KCNQ1OT1: variants seen among roughly 807,000 people sequenced by gnomAD.
The protein encoded by KCNQ1OT1 is KCNQ1 antisense RNA 2 (non-protein coding).
At position 2,653,443 on chromosome 11, in the gene KCNQ1OT1, C is replaced by T. The variant is rs148518693; in HGVS notation, n.46552G>A. ...CAAACAAGCTTAAGCACAAAAGGGA[C>T]ATTTTTTGGCTCACACAGCTGGACC... On this transcript the variant is annotated non_coding_transcript_exon_variant, in exon 1 of 1. Coordinates refer to ENST00000597346, the Ensembl canonical transcript of KCNQ1OT1. This position sits in a 1 kb window ranked among gnomAD's most constrained non-coding sequence, Gnocchi z 5.3. The T allele has an allele frequency of 0.016, 6,293 of 398,632 alleles. 69 individuals are homozygous for T. Among genetic ancestry groups the T allele is most frequent in the Middle Eastern group, 0.025 (39 of 1,588 alleles). 24.7% of individuals were successfully genotyped at this position (398,632 alleles called of 1,614,324 possible).
Position 2,617,534 on chromosome 11 carries a change from A to C in KCNQ1OT1, n.82461T>G. ...TGCCACAATGAATATAGGAGCGCAG[A>C]TATCTTTATGAGGTGGAGATTTCAT... On this transcript the variant is annotated non_coding_transcript_exon_variant, in exon 1 of 1. Coordinates refer to ENST00000597346, the Ensembl canonical transcript of KCNQ1OT1. This position sits in a 1 kb window ranked among gnomAD's most constrained non-coding sequence, Gnocchi z 4.6. 1 of 398,506 alleles carries C rather than the reference A, an allele frequency of 2.5e-6. No homozygotes were observed. The highest frequency in any genetic ancestry group is 4.4e-6 in the Non-Finnish European group (1 of 225,976). The allele number at this position is 398,506 out of a possible 1,614,324, so 24.7% of individuals were successfully genotyped here.
chr11:2,666,168 G>A (rs953668860), exon 1 of KCNQ1OT1: 10 of 398,662 alleles, frequency 2.5e-5, no homozygotes, highest in Non-Finnish European at 4.4e-5. Flanking sequence ...GCCCCAGCTC[G>A]AGGTTAACAG....
At position 2,691,749 on chromosome 11, in the gene KCNQ1OT1, C is replaced by T; in HGVS notation, n.8246G>A. On this transcript the variant is annotated non_coding_transcript_exon_variant, in exon 1 of 1. Transcript: ENST00000597346. This position sits in a 1 kb window ranked among gnomAD's most constrained non-coding sequence, Gnocchi z 6.4. Reference sequence around the variant, plus strand: ...GGGAGCCACACAGGCAGGGGACATTCCACTAGGGCCATTTGCAGGCCAGTG... The same window carrying T: ...GGGAGCCACACAGGCAGGGGACATTTCACTAGGGCCATTTGCAGGCCAGTG... 1 of 398,670 alleles carries T rather than the reference C, an allele frequency of 2.5e-6. No homozygotes were observed. 24.7% of individuals were successfully genotyped at this position (398,670 alleles called of 1,614,324 possible).
At chr11:2,693,957 T>C in exon 1 of KCNQ1OT1, 1 of 398,726 alleles carries the variant, frequency 2.5e-6, no homozygotes, top group Non-Finnish European at 4.4e-6. Context: ...TTCATCAGTC[T>C]GCACTAACTG....
In KCNQ1OT1 at chr11:2,626,047, T is replaced by C; in HGVS notation, n.73948A>G. ...GCACACAATGTAAATTTTTAAAATT[T>C]ATCTAGTTTTACTTTTATTGCCTGT... On this transcript the variant is annotated non_coding_transcript_exon_variant, in exon 1 of 1. Coordinates refer to ENST00000597346, the Ensembl canonical transcript of KCNQ1OT1. The surrounding 1 kb of genome is among the most constrained non-coding windows in gnomAD (Gnocchi z 4.0). 2.5e-6 allele frequency: 1 copy of C among 398,682 alleles called. No homozygotes were observed. Among genetic ancestry groups the C allele is most frequent in the Non-Finnish European group, 4.4e-6 (1 of 226,064 alleles). The allele number at this position is 398,682 out of a possible 1,614,324, so 24.7% of individuals were successfully genotyped here.
exon 1 of KCNQ1OT1, chr11:2,635,918 C>T (rs1306369392): frequency 1.3e-5 from 2 of 152,078 alleles, no homozygotes; most frequent in Non-Finnish European, 2.9e-5. Flanking sequence ...AAGTTGGATT[C>T]CTAGGTATTT....
chr11:2,695,682 G>T lies in KCNQ1OT1; in HGVS notation n.4313C>A. 2.5e-6 allele frequency: 1 copy of T among 398,628 alleles called. No individual in the cohort carries two copies. Among genetic ancestry groups the T allele is most frequent in the Non-Finnish European group, 4.4e-6 (1 of 226,076 alleles). 24.7% of individuals were successfully genotyped at this position (398,628 alleles called of 1,614,324 possible). A position where few individuals can be genotyped will look rare whatever the true frequency, so the allele number is the denominator to read the frequency against. ...TTATTTGAGGAAGAAGTGTTGGCCA[G>T]CTCTTCAGAACGTCTGTGCCTGTCT... On this transcript the variant is annotated non_coding_transcript_exon_variant, in exon 1 of 1. Transcript: ENST00000597346. This position sits in a 1 kb window ranked among gnomAD's most constrained non-coding sequence, Gnocchi z 5.2.
chr11:2,616,909 C>T (rs754075595), exon 1 of KCNQ1OT1: 4 of 397,012 alleles, frequency 1.0e-5, no homozygotes, highest in Non-Finnish European at 1.8e-5. Context: ...TGGTATTGTT[C>T]AAGTCCTCTC....
Position 2,645,724 on chromosome 11 carries a change from G to A in KCNQ1OT1, n.54271C>T. On this transcript the variant is annotated non_coding_transcript_exon_variant, in exon 1 of 1. Transcript: ENST00000597346. This position sits in a 1 kb window ranked among gnomAD's most constrained non-coding sequence, Gnocchi z 5.8. Reference sequence around the variant, plus strand: ...AGTCAGGAGTGGCAACCAGCTTTGTGTAAGGGATGTCCATGGGGCTCCAGG... The same window carrying A: ...AGTCAGGAGTGGCAACCAGCTTTGTATAAGGGATGTCCATGGGGCTCCAGG... The A allele has an allele frequency of 2.5e-6, 1 of 398,876 alleles. No homozygotes were observed. Among genetic ancestry groups the A allele is most frequent in the Non-Finnish European group, 4.4e-6 (1 of 226,258 alleles). 24.7% of individuals were successfully genotyped at this position (398,876 alleles called of 1,614,324 possible).
exon 1 of KCNQ1OT1, chr11:2,618,111 G>T (rs1222328984): frequency 7.5e-6 from 3 of 398,330 alleles, no homozygotes; most frequent in Non-Finnish European, 1.3e-5. Context: ...CCAGAGCCAT[G>T]TCGAGCTTTT....
At position 2,669,508 on chromosome 11, in the gene KCNQ1OT1, A is replaced by C. The variant is rs1259731839; in HGVS notation, n.30487T>G. ...TGTCAGATTCATTCCTTGTCAGCTA[A>C]TGGTTTGATGTATGTTCGCTGAATC... is the stretch of plus-strand genomic sequence containing the variant. On this transcript the variant is annotated non_coding_transcript_exon_variant, in exon 1 of 1. Coordinates refer to ENST00000597346, the Ensembl canonical transcript of KCNQ1OT1. This position sits in a 1 kb window ranked among gnomAD's most constrained non-coding sequence, Gnocchi z 5.6. 3.8e-5 allele frequency: 15 copies of C among 398,572 alleles called. No homozygotes were observed. The East Asian group carries it at 5.3e-4, about 14-fold the overall frequency. 24.7% of individuals were successfully genotyped at this position (398,572 alleles called of 1,614,324 possible). A position where few individuals can be genotyped will look rare whatever the true frequency, so the allele number is the denominator to read the frequency against.
Position 2,651,498 on chromosome 11 carries a change from C to T in KCNQ1OT1, n.48497G>A. 5.0e-6 allele frequency: 2 copies of T among 398,680 alleles called. No individual in the cohort carries two copies. The highest frequency in any genetic ancestry group is 4.4e-5 in the Admixed American group (1 of 22,746). The allele number at this position is 398,680 out of a possible 1,614,324, so 24.7% of individuals were successfully genotyped here. ...TGGTGGGCTTGCATTAAGAAGCTGT[C>T]AGTGTGAAGAACGTGAATGCTAAGG... On this transcript the variant is annotated non_coding_transcript_exon_variant, in exon 1 of 1. Transcript: ENST00000597346. This position sits in a 1 kb window ranked among gnomAD's most constrained non-coding sequence, Gnocchi z 6.1.
Position 2,642,600 on chromosome 11 carries a change from T to A in KCNQ1OT1, n.57395A>T, listed in dbSNP as rs1179395346. Reference sequence around the variant, plus strand: ...TAGTTTAGCCACTGGTTATTTTGTTTCTTTTCAAAAACCGATTTTGCATTT... The same window carrying A: ...TAGTTTAGCCACTGGTTATTTTGTTACTTTTCAAAAACCGATTTTGCATTT... On this transcript the variant is annotated non_coding_transcript_exon_variant, in exon 1 of 1. Transcript: ENST00000597346. The surrounding 1 kb of genome is among the most constrained non-coding windows in gnomAD (Gnocchi z 4.3). 2.5e-6 allele frequency: 1 copy of A among 397,800 alleles called. No individual in the cohort carries two copies. The highest frequency in any genetic ancestry group is 3.6e-5 in the East Asian group (1 of 27,950). The allele number at this position is 397,800 out of a possible 1,614,324, so 24.6% of individuals were successfully genotyped here.
exon 1 of KCNQ1OT1, chr11:2,635,120 A>G (rs947380199): frequency 6.6e-6 from 1 of 152,142 alleles, no homozygotes; most frequent in African/African-American, 2.4e-5. Flanking sequence ...AATTTCTCCC[A>G]TTCTGTAGGT....
chr11:2,647,558 T>C lies in KCNQ1OT1; in HGVS notation n.52437A>G, dbSNP rs934184500. ...TTCCTTTCTCTTCAGTCTTTTGGAA[T>C]TGTCTGAGAAGAATTCATGTTAGTT... On this transcript the variant is annotated non_coding_transcript_exon_variant, in exon 1 of 1. Transcript: ENST00000597346. The surrounding 1 kb of genome is among the most constrained non-coding windows in gnomAD (Gnocchi z 4.0). 6 of 398,576 alleles carry C rather than the reference T, an allele frequency of 1.5e-5. No homozygotes were observed. The highest frequency in any genetic ancestry group is 6.3e-4 in the Middle Eastern group (1 of 1,588). The allele number at this position is 398,576 out of a possible 1,614,324, so 24.7% of individuals were successfully genotyped here.
exon 1 of KCNQ1OT1, chr11:2,699,669 G>GCGCCGAAGAACCCCCGGGGAC (rs1564862610): frequency 6.6e-5 from 18 of 273,780 alleles, no homozygotes; most frequent in South Asian, 6.2e-4. Context: ...CCCCCGGGGA[G>GCGCCGAAGAACCCCCGGGGAC]AACCGCGCCG....
exon 1 of KCNQ1OT1, chr11:2,693,153 C>T (rs1487563155): frequency 5.0e-6 from 2 of 398,716 alleles, no homozygotes; most frequent in Non-Finnish European, 8.8e-6. Context: ...CCTCAGTCTA[C>T]ACTCTGTGAT....
Position 2,690,763 on chromosome 11 carries a change from T to C in KCNQ1OT1, n.9232A>G. On this transcript the variant is annotated non_coding_transcript_exon_variant, in exon 1 of 1. Transcript: ENST00000597346. This position sits in a 1 kb window ranked among gnomAD's most constrained non-coding sequence, Gnocchi z 5.1. ...TATGATCCCAAATCCCTTAGGTGGA[T>C]GTGGCCTGGCAGGGGGTCAGCAGGA... is the stretch of plus-strand genomic sequence containing the variant. 1 of 398,660 alleles carries C rather than the reference T, an allele frequency of 2.5e-6. No homozygotes were observed. Among genetic ancestry groups the C allele is most frequent in the Admixed American group, 4.4e-5 (1 of 22,728 alleles). The allele number at this position is 398,660 out of a possible 1,614,324, so 24.7% of individuals were successfully genotyped here.
rs1335590056 is a variant in KCNQ1OT1 at position 2,683,127 on chromosome 11, GA to G, written n.16867del. On this transcript the variant is annotated non_coding_transcript_exon_variant, in exon 1 of 1. Transcript: ENST00000597346. This position sits in a 1 kb window ranked among gnomAD's most constrained non-coding sequence, Gnocchi z 4.7. Reference sequence around the variant, plus strand: ...CCCAGGATATATCGCACCAACTCAGGAGGGTGTGGGGATGGGCTAGCATTAG... The same window carrying G: ...CCCAGGATATATCGCACCAACTCAGGGGGTGTGGGGATGGGCTAGCATTAG... 5.9e-6 allele frequency: 2 copies of G among 338,248 alleles called. No individual in the cohort carries two copies. The highest frequency in any genetic ancestry group is 9.5e-6 in the Non-Finnish European group (2 of 210,444). 21.0% of individuals were successfully genotyped at this position (338,248 alleles called of 1,614,324 possible). A position where few individuals can be genotyped will look rare whatever the true frequency, so the allele number is the denominator to read the frequency against.
Sources: allele counts gnomAD v4.1 joint callset, GRCh38; gene constraint gnomAD v4.1.1; non-coding constraint Gnocchi (gnomAD v3.1); transcripts MANE v1.5; gene names NCBI Gene and HGNC (gene_info 2026-07-23, HGNC 2026-07-21).